Variants in SLC25A26 observed in about 807,000 individuals in gnomAD.
SLC25A26 encodes mitochondrial S-adenosylmethionine carrier protein.
A neutral mutation model predicts 37.8 loss-of-function variants in SLC25A26; 36 were observed. The ratio of observed to expected loss-of-function variants is 0.95; its 90% CI spans 0.73 to 1.26. SLC25A26 has a LOEUF of 1.26. Among genes scored for constraint, SLC25A26 ranks in the 50% most tolerant of loss-of-function variants. The pLI, the probability that SLC25A26 is intolerant of heterozygous loss-of-function variation, is 0.00. For synonymous variants in SLC25A26, 129 were observed against 122.5 expected, an observed-to-expected ratio of 1.05 and a Z score of -0.35; for missense variants, 390 against 331.1, an observed-to-expected ratio of 1.18 and a Z score of -1.38.
chr3:66,367,915 A>G (rs1264096445), intron 7 of SLC25A26, among the ~76,000 whole-genome samples: 1 of 152,234 alleles, frequency 6.6e-6, no homozygotes, highest in Non-Finnish European at 1.5e-5. Flanking sequence ...TTACATAGTC[A>G]TAATTTGAAA....
intron 5 of SLC25A26, among the ~76,000 whole-genome samples, chr3:66,336,517 C>T (rs1381742364): frequency 6.6e-6 from 1 of 152,168 alleles, no homozygotes; most frequent in African/African-American, 2.4e-5. Flanking sequence ...ACATCTGTTT[C>T]CTGACCCTGT....
intron 1 of SLC25A26, among the ~76,000 whole-genome samples, chr3:66,140,886 C>T (rs1576591000): frequency 6.6e-6 from 1 of 152,084 alleles, no homozygotes; most frequent in African/African-American, 2.4e-5. Context: ...TCCGGACTGC[C>T]AAGTCCCTTG....
intron 3 of SLC25A26, among the ~76,000 whole-genome samples, chr3:66,244,352 T>C (rs1678094): frequency 0.13 from 19,934 of 152,136 alleles, 2,140 homozygotes; most frequent in East Asian, 0.28. Flanking sequence ...CAGAATTTTA[T>C]GGAGAAATGA....
intron 5 of SLC25A26, among the ~76,000 whole-genome samples, chr3:66,318,740 C>T (rs1023560998): frequency 3.3e-5 from 5 of 152,056 alleles, no homozygotes; most frequent in African/African-American, 9.7e-5. Context: ...TAGCTCACTA[C>T]AGCCTCGAAA....
At chr3:66,292,842 G>C (rs1576810710) in intron 5 of SLC25A26, among the ~76,000 whole-genome samples, 1 of 152,098 alleles carries the variant, frequency 6.6e-6, no homozygotes, top group African/African-American at 2.4e-5. Context: ...CTCTTGCTAG[G>C]TTGGGGAAGT....
At chr3:66,262,490 G>T (rs2073568446) in intron 4 of SLC25A26, among the ~76,000 whole-genome samples, 3 of 152,146 alleles carry the variant, frequency 2.0e-5, no homozygotes. Context: ...TAGGTCCATG[G>T]AAGAGATTTA....
At chr3:66,158,014 G>A (rs147719649) in intron 1 of SLC25A26, among the ~76,000 whole-genome samples, 4,729 of 152,236 alleles carry the variant, frequency 0.031, 119 homozygotes, top group East Asian at 0.12. Flanking sequence ...GGGAGAATGC[G>A]TTGTGTTATA....
chr3:66,367,731 GAC>G (rs1553705607), intron 7 of SLC25A26, among the ~76,000 whole-genome samples: 1 of 151,320 alleles, frequency 6.6e-6, no homozygotes, highest in Non-Finnish European at 1.5e-5. Flanking sequence ...GAGAGAGAGA[GAC>G]AGATAGTGTT....
chr3:66,220,389 C>G (rs781853669), upstream of SLC25A26, among the ~76,000 whole-genome samples: 3 of 152,140 alleles, frequency 2.0e-5, no homozygotes, highest in Non-Finnish European at 4.4e-5. Flanking sequence ...TTATTAAGTA[C>G]TTAATAACGT....
At chr3:66,339,750 T>C (rs1162075937) in intron 5 of SLC25A26, among the ~76,000 whole-genome samples, 2 of 152,090 alleles carry the variant, frequency 1.3e-5, no homozygotes, top group Admixed American at 1.3e-4. Context: ...TTATATATTC[T>C]GGATATTAAC....
At chr3:66,137,352 G>A (rs1427689256) in intron 1 of SLC25A26, among the ~76,000 whole-genome samples, 8 of 151,132 alleles carry the variant, frequency 5.3e-5, no homozygotes, top group Non-Finnish European at 1.0e-4. Flanking sequence ...TCAGCCTCCC[G>A]AGTAGCTGGG....
chr3:66,308,445 A>G (rs114724523), intron 5 of SLC25A26, among the ~76,000 whole-genome samples: 7,208 of 152,292 alleles, frequency 0.047, 227 homozygotes, highest in South Asian at 0.075. Flanking sequence ...TGTTAACTGC[A>G]AACGGAGAGA....
At chr3:66,219,687 G>T (rs1164447752), upstream of SLC25A26, among the ~76,000 whole-genome samples, 6 of 152,190 alleles carry the variant, frequency 3.9e-5, no homozygotes, top group African/African-American at 1.4e-4. Context: ...GCTGAGAGGT[G>T]TATACCATGC....
At chr3:66,353,225 T>C (rs74367969) in intron 6 of SLC25A26, among the ~76,000 whole-genome samples, 7,278 of 152,156 alleles carry the variant, frequency 0.048, 230 homozygotes, top group South Asian at 0.076. Context: ...TACCAGGTGA[T>C]TTTTTAGTGA....
rs983867145 is a variant in SLC25A26, at chr3:66,171,804, T to C, written c.-354+37820T>C. Among the ~76,000 whole-genome samples the C allele has an allele frequency of 2.6e-5, 4 of 152,218 alleles. No homozygotes were observed. The South Asian group carries it at 8.3e-4, about 32-fold the overall frequency. On this transcript the variant is annotated intron_variant, in intron 1 of 10. Transcript: ENST00000676754. ...TGCACCCGGCCCTGAGATGTTCATT[T>C]CAATTGTTCTTTAAATGTTTGTAGA...
intron 6 of SLC25A26, among the ~76,000 whole-genome samples, chr3:66,359,785 G>A (rs936184610): frequency 1.1e-4 from 16 of 152,198 alleles, no homozygotes; most frequent in Non-Finnish European, 1.2e-4. Context: ...GCAAACATTA[G>A]AGCATTTTCT....
At chr3:66,215,942 G>T (rs1159835020) in intron 1 of SLC25A26, among the ~76,000 whole-genome samples, 5 of 152,202 alleles carry the variant, frequency 3.3e-5, no homozygotes, top group African/African-American at 1.2e-4. Context: ...GGTATTGGCA[G>T]ATTCGGTGTC....
intron 2 of SLC25A26, among the ~76,000 whole-genome samples, chr3:66,240,955 C>G (rs1005010743): frequency 4.0e-5 from 6 of 151,796 alleles, no homozygotes; most frequent in Non-Finnish European, 7.4e-5. Context: ...ACTGTGTTAG[C>G]CAAGGATGGT....
At chr3:66,311,976 C>A (rs1430177637) in intron 5 of SLC25A26, among the ~76,000 whole-genome samples, 1 of 152,128 alleles carries the variant, frequency 6.6e-6, no homozygotes, top group Non-Finnish European at 1.5e-5. Context: ...GGGTCAGGGA[C>A]CCACTTGAGG....
Sources: allele counts gnomAD v4.1 joint callset (sites outside exome capture counted in the v4.1 genomes callset), GRCh38; gene constraint gnomAD v4.1.1; transcripts MANE v1.5; gene names NCBI Gene and HGNC (gene_info 2026-07-23, HGNC 2026-07-21).